ZFPM2: variants seen among roughly 807,000 people sequenced by gnomAD.
ZFPM2 encodes zinc finger protein, FOG family member 2.
In ZFPM2, 20 loss-of-function variants were observed where a neutral mutation model predicts 98.6. That is an observed-to-expected ratio of 0.20 (90% CI 0.14 to 0.29). The LOEUF is 0.29. ZFPM2 is among the 10% of genes least tolerant of loss of function. The probability of loss-of-function intolerance (pLI) is 1.00; values close to 1 mark genes in which losing one functional copy is unlikely to be tolerated. For synonymous variants in ZFPM2, 518 were observed against 502.7 expected, an observed-to-expected ratio of 1.03 and a Z score of -0.41; for missense variants, 1,310 against 1,388.6, an observed-to-expected ratio of 0.94 and a Z score of 0.90.
At chr8:105,699,385 G>T (rs1811091375) in intron 5 of ZFPM2, among the ~76,000 whole-genome samples, 1 of 152,058 alleles carries the variant, frequency 6.6e-6, no homozygotes. Flanking sequence ...TTATTAAAGA[G>T]ACTTTGGTCA....
At chr8:105,491,992 G>A (rs1813365591) in intron 3 of ZFPM2, among the ~76,000 whole-genome samples, 1 of 152,048 alleles carries the variant, frequency 6.6e-6, no homozygotes, top group South Asian at 2.1e-4. Flanking sequence ...AAGCTCAATT[G>A]CAAATGTCCT....
At chr8:105,478,099 C>T (rs1813045938) in intron 3 of ZFPM2, among the ~76,000 whole-genome samples, 1 of 152,194 alleles carries the variant, frequency 6.6e-6, no homozygotes, top group South Asian at 2.1e-4. Flanking sequence ...CATAACTCTA[C>T]TTCATTGTTT....
chr8:105,336,218 C>T (rs138011228), intron 1 of ZFPM2, among the ~76,000 whole-genome samples: 102 of 151,688 alleles, frequency 6.7e-4, no homozygotes, highest in African/African-American at 2.4e-3. Flanking sequence ...TTATTTAATC[C>T]GTGACTCAGT....
At chr8:105,538,979 A>G (rs540770018) in intron 3 of ZFPM2, among the ~76,000 whole-genome samples, 2 of 152,282 alleles carry the variant, frequency 1.3e-5, no homozygotes, top group African/African-American at 4.8e-5. Context: ...AGATTGTGCC[A>G]CTGCACTCCA....
chr8:105,445,946 A>G (rs1203727255), intron 3 of ZFPM2, among the ~76,000 whole-genome samples: 1 of 143,144 alleles, frequency 7.0e-6, no homozygotes. Context: ...TTTGAGACAG[A>G]GTCTCACTCT....
Position 105,330,596 on chromosome 8 carries a change from A to ACG in ZFPM2, c.40+11615_40+11616insCG, listed in dbSNP as rs1491275086. Among the ~76,000 whole-genome samples, 5 of 17,786 alleles carry ACG rather than the reference A, an allele frequency of 2.8e-4. 1 individual carries two copies. The highest frequency in any genetic ancestry group is 1.6e-3 in the African/African-American group (5 of 3,098). The allele number at this position is 17,786 out of a possible 152,430, so 11.7% of individuals were successfully genotyped here. ...TATATATATACATATATATATATAC[A>ACG]TATATATATATATACACATATATAT... On this transcript the variant is annotated intron_variant, in intron 1 of 7. Coordinates refer to ENST00000407775, the MANE Select transcript of ZFPM2 (RefSeq NM_012082.4).
At chr8:105,759,667 A>C (rs1363025529) in intron 5 of ZFPM2, among the ~76,000 whole-genome samples, 2 of 150,022 alleles carry the variant, frequency 1.3e-5, no homozygotes, top group Non-Finnish European at 3.0e-5. Context: ...GGGTTAAGGA[A>C]CTTGACTTTA....
intron 3 of ZFPM2, among the ~76,000 whole-genome samples, chr8:105,482,996 T>G (rs1299727310): frequency 4.8e-5 from 1 of 20,862 alleles, no homozygotes; most frequent in Non-Finnish European, 9.3e-5. Context: ...CCCCCATCCT[T>G]TCCTTCCTTC....
chr8:105,580,819 C>CTA (rs201942806), intron 4 of ZFPM2, among the ~76,000 whole-genome samples: 1,473 of 114,874 alleles, frequency 0.013, 4 homozygotes, highest in East Asian at 0.025. Context: ...CTCTCTCTCT[C>CTA]TCTCTCTCTA....
intron 3 of ZFPM2, among the ~76,000 whole-genome samples, chr8:105,531,045 C>G (rs1814287534): frequency 6.6e-6 from 1 of 152,120 alleles, no homozygotes. Flanking sequence ...GAATCCAGCT[C>G]TCACAGTGGT....
chr8:105,340,091 T>C (rs1812398951), intron 1 of ZFPM2, among the ~76,000 whole-genome samples: 1 of 151,902 alleles, frequency 6.6e-6, no homozygotes, highest in African/African-American at 2.4e-5. Context: ...ACAAAGTGTT[T>C]TTCATGAAAG....
At chr8:105,520,522 C>T (rs570432131) in intron 3 of ZFPM2, among the ~76,000 whole-genome samples, 3 of 152,146 alleles carry the variant, frequency 2.0e-5, no homozygotes, top group South Asian at 2.1e-4. Flanking sequence ...TTAAGTTACA[C>T]ATTGTGGGTA....
intron 5 of ZFPM2, among the ~76,000 whole-genome samples, chr8:105,730,105 A>G (rs1293849230): frequency 6.6e-6 from 1 of 151,502 alleles, no homozygotes; most frequent in Non-Finnish European, 1.5e-5. Context: ...GAGAATAGAG[A>G]AGTGTCAAGA....
Position 105,456,146 on chromosome 8 carries a change from G to GTTTTTTTTTTTTTTTTTTTTT in ZFPM2, c.301+11774_301+11775insTTTTTTTTTTTTTTTTTTTTT, listed in dbSNP as rs200639878. Among the ~76,000 whole-genome samples, 2 of 93,284 alleles carry GTTTTTTTTTTTTTTTTTTTTT rather than the reference G, an allele frequency of 2.1e-5. 1 individual carries two copies. 61.2% of individuals were successfully genotyped at this position (93,284 alleles called of 152,430 possible). A position where few individuals can be genotyped will look rare whatever the true frequency, so the allele number is the denominator to read the frequency against. ...AGAAGATGGGGAAAACCAGGAAAAT[G>GTTTTTTTTTTTTTTTTTTTTT]TTTTTTTTTGTTTGTTTGTTTGTTT... On this transcript the variant is annotated intron_variant, in intron 3 of 7. Coordinates refer to ENST00000407775, the MANE Select transcript of ZFPM2 (RefSeq NM_012082.4).
chr8:105,327,455 G>A (rs1812135790), intron 1 of ZFPM2, among the ~76,000 whole-genome samples: 1 of 151,506 alleles, frequency 6.6e-6, no homozygotes, highest in Non-Finnish European at 1.5e-5. Flanking sequence ...GCTTCACTGT[G>A]GTATGTCCTG....
At chr8:105,606,056 T>C (rs1200274245) in intron 4 of ZFPM2, among the ~76,000 whole-genome samples, 1 of 152,134 alleles carries the variant, frequency 6.6e-6, no homozygotes, top group Non-Finnish European at 1.5e-5. Flanking sequence ...TCATTTTCCA[T>C]TCTCTCATTG....
At chr8:105,627,403 A>G (rs1388663055) in intron 4 of ZFPM2, among the ~76,000 whole-genome samples, 1 of 152,076 alleles carries the variant, frequency 6.6e-6, no homozygotes, top group African/African-American at 2.4e-5. Flanking sequence ...GGAGCTTCAA[A>G]AGTGCACAAG....
At chr8:105,649,172 C>T (rs564463294) in intron 5 of ZFPM2, among the ~76,000 whole-genome samples, 1 of 152,078 alleles carries the variant, frequency 6.6e-6, no homozygotes, top group Non-Finnish European at 1.5e-5. Context: ...TGATTCGGCC[C>T]CCTCTTTGTC....
At chr8:105,487,964 T>G (rs1813268423) in intron 3 of ZFPM2, among the ~76,000 whole-genome samples, 1 of 151,730 alleles carries the variant, frequency 6.6e-6, no homozygotes, top group Non-Finnish European at 1.5e-5. Context: ...CTGTCATGTC[T>G]TTTTTTAGAG....
Sources: allele counts gnomAD v4.1 joint callset (sites outside exome capture counted in the v4.1 genomes callset), GRCh38; gene constraint gnomAD v4.1.1; transcripts MANE v1.5; gene names NCBI Gene and HGNC (gene_info 2026-07-23, HGNC 2026-07-21).